The following PNPLA1 variants were observed in gnomAD, a reference collection of about 807,000 sequenced individuals.
PNPLA1 encodes the protein omega-hydroxyceramide transacylase.
A neutral mutation model predicts 51.7 loss-of-function variants in PNPLA1; 36 were observed. The ratio of observed to expected loss-of-function variants is 0.70; its 90% CI spans 0.53 to 0.92. The LOEUF (loss-of-function observed/expected upper bound fraction) is 0.92, where lower values mean the gene tolerates loss of function less well. Among genes scored for constraint, PNPLA1 ranks in the 40% least tolerant of loss-of-function variants. The pLI, the probability that PNPLA1 is intolerant of heterozygous loss-of-function variation, is 0.00. For synonymous variants in PNPLA1, 293 were observed against 280.1 expected (o/e 1.05, Z -0.46); for missense variants, 658 against 682.5 (o/e 0.96, Z 0.40).
At chr6:36,258,423 A>T (rs531292587) in intron 1 of PNPLA1, among the ~76,000 whole-genome samples, 33 of 152,326 alleles carry the variant, frequency 2.2e-4, no homozygotes, top group African/African-American at 4.6e-4. Flanking sequence ...AAAATTTTTT[A>T]AAAAATCCAT....
chr6:36,296,367 T>C (rs529052661), intron 5 of PNPLA1, among the ~76,000 whole-genome samples: 6 of 152,354 alleles, frequency 3.9e-5, no homozygotes, highest in Non-Finnish European at 5.9e-5. Flanking sequence ...GTTTACCTAA[T>C]GTTACATCAG....
chr6:36,287,755 AACACACACACACACACACAC>A (rs57750301), intron 1 of PNPLA1, among the ~76,000 whole-genome samples: 4 of 148,342 alleles, frequency 2.7e-5, no homozygotes, highest in East Asian at 4.0e-4. Flanking sequence ...GACAGACAGA[AACACACACACACACACACAC>A]ACACACACAC....
At position 36,270,583 on chromosome 6, in the gene PNPLA1, A is replaced by G. The variant is rs1769881874; in HGVS notation, c.124A>G (p.Met42Val). 2.6e-6 allele frequency: 4 copies of G among 1,551,504 alleles called. No individual in the cohort carries two copies. ...CGCCCTGCGGGACCTGGCCCCCCGGATGCTGGAAACAGCCCACCGCTTTGC... is the reference window on the plus strand; with the variant it reads ...CGCCCTGCGGGACCTGGCCCCCCGGGTGCTGGAAACAGCCCACCGCTTTGC... Reference protein sequence around the residue: ...VDALRDLAPRMLETAHRFAGT... With the variant: ...VDALRDLAPRVLETAHRFAGT... The change falls in exon 1 of 9, where the codon ATG (methionine) becomes GTG (valine). Residue 42 changes from methionine (M) to valine (V), a missense_variant. Physicochemically the swap from Met to Val is conservative, Grantham distance 21 (BLOSUM62 1). Coordinates refer to ENST00000636260, the MANE Select transcript of PNPLA1 (RefSeq NM_001374623.1).
chr6:36,271,493 A>G (rs1769914991), intron 1 of PNPLA1, among the ~76,000 whole-genome samples: 1 of 152,210 alleles, frequency 6.6e-6, no homozygotes, highest in South Asian at 2.1e-4. Context: ...AACAGATAAT[A>G]AACATTCAAA....
intron 6 of PNPLA1, among the ~76,000 whole-genome samples, chr6:36,303,136 C>T (rs1157339014): frequency 6.6e-6 from 1 of 152,146 alleles, no homozygotes; most frequent in South Asian, 2.1e-4. Flanking sequence ...GCTCTGTCGC[C>T]CAGGCTAGAG....
At chr6:36,261,937 C>G (rs1229917123) in intron 1 of PNPLA1, among the ~76,000 whole-genome samples, 1 of 152,220 alleles carries the variant, frequency 6.6e-6, no homozygotes, top group Non-Finnish European at 1.5e-5. Flanking sequence ...TTCTTTTAAC[C>G]AGGGTAAACT....
At chr6:36,305,823 G>A (rs145209752) in intron 6 of PNPLA1, among the ~76,000 whole-genome samples, 10 of 135,896 alleles carry the variant, frequency 7.4e-5, no homozygotes, top group African/African-American at 2.5e-4. Flanking sequence ...TCTCACTCCC[G>A]GCTCACTGCA....
At chr6:36,248,640 T>TC (rs1769356344) in intron 1 of PNPLA1, among the ~76,000 whole-genome samples, 1 of 151,912 alleles carries the variant, frequency 6.6e-6, no homozygotes, top group Non-Finnish European at 1.5e-5. Context: ...TATCTCAGCC[T>TC]CCTGAGTAGC....
intron 5 of PNPLA1, among the ~76,000 whole-genome samples, chr6:36,296,283 A>C (rs141549466): frequency 6.6e-5 from 10 of 152,372 alleles, no homozygotes; most frequent in African/African-American, 2.4e-4. Context: ...CTCTAAAAAA[A>C]GAAAGAAATC....
chr6:36,293,187 C>T, intron 3 of PNPLA1, 61 bp downstream of exon 3: 3 of 1,518,868 alleles, frequency 2.0e-6, no homozygotes, highest in Admixed American at 1.7e-5. Flanking sequence ...GTCCCTGTGA[C>T]TCACACCTGG....
At chr6:36,263,889 C>T (rs952091052) in intron 1 of PNPLA1, among the ~76,000 whole-genome samples, 3 of 152,170 alleles carry the variant, frequency 2.0e-5, no homozygotes, top group Non-Finnish European at 4.4e-5. Flanking sequence ...GAGACCAACC[C>T]TATGACCCAG....
At position 36,301,418 on chromosome 6, in the gene PNPLA1, AC is replaced by A. The variant is rs764833393; in HGVS notation, c.776-438del. Among the ~76,000 whole-genome samples the A allele has an allele frequency of 2.0e-5, 3 of 148,920 alleles. No individual in the cohort carries two copies. In the East Asian group the frequency reaches 5.9e-4, roughly 29 times the overall value. On this transcript the variant is annotated intron_variant, in intron 5 of 8. Transcript: ENST00000636260. ...CCTCAGCCTCCTCCCCCAGCACAGT[AC>A]CCCCGCCCCACACTGACCTTTCAGG...
At chr6:36,268,978 C>T (rs1464796685), upstream of PNPLA1, among the ~76,000 whole-genome samples, 1 of 152,100 alleles carries the variant, frequency 6.6e-6, no homozygotes, top group Admixed American at 6.5e-5. Flanking sequence ...CATACACACG[C>T]ATGTACGCAC....
intron 3 of PNPLA1, among the ~76,000 whole-genome samples, chr6:36,293,703 G>A (rs1770762777): frequency 1.3e-5 from 2 of 152,220 alleles, no homozygotes. Flanking sequence ...CCAGAGACTA[G>A]GATTCAGGTA....
chr6:36,273,200 A>G (rs1246180769), intron 1 of PNPLA1, among the ~76,000 whole-genome samples: 2 of 152,020 alleles, frequency 1.3e-5, no homozygotes, highest in Non-Finnish European at 2.9e-5. Flanking sequence ...AGATCGCGCT[A>G]CTACACTCCA....
At chr6:36,249,971 A>C (rs1293471623) in intron 1 of PNPLA1, among the ~76,000 whole-genome samples, 1 of 152,222 alleles carries the variant, frequency 6.6e-6, no homozygotes, top group African/African-American at 2.4e-5. Context: ...TTTATATGCT[A>C]CTACAAATAA....
chr6:36,296,527 T>A (rs1208169026), intron 5 of PNPLA1, among the ~76,000 whole-genome samples: 1 of 152,216 alleles, frequency 6.6e-6, no homozygotes, highest in Non-Finnish European at 1.5e-5. Context: ...GTAAACTTTT[T>A]GTGTATGTAG....
chr6:36,266,667 T>C (rs1306342165), upstream of PNPLA1, among the ~76,000 whole-genome samples: 1 of 152,160 alleles, frequency 6.6e-6, no homozygotes, highest in Admixed American at 6.5e-5. Context: ...AAGGAGTAAG[T>C]GGGCCGCAGA....
At chr6:36,290,775 C>T (rs534172997) in intron 1 of PNPLA1, among the ~76,000 whole-genome samples, 243 of 152,290 alleles carry the variant, frequency 1.6e-3, no homozygotes, top group Admixed American at 4.7e-3. Flanking sequence ...GCAATGGTTT[C>T]AAGACAAAGT....
Sources: gnomAD v4.1 joint callset for allele counts (sites outside exome capture counted in the v4.1 genomes callset) on GRCh38, gnomAD v4.1.1 for gene constraint, MANE v1.5 for transcripts, NCBI Gene and HGNC (gene_info 2026-07-23, HGNC 2026-07-21) for gene names.